Variants in SNTG1 observed in about 807,000 individuals in gnomAD.
SNTG1 encodes the protein syntrophin gamma 1.
A neutral mutation model predicts 74.7 loss-of-function variants in SNTG1; 39 were observed. The observed-to-expected ratio is 0.52, with a 90% CI of 0.40 to 0.68. The LOEUF is 0.68. SNTG1 is among the 30% of genes least tolerant of loss of function. SNTG1 has a pLI of 0.00. For missense variants in SNTG1, 685 were observed against 609.5 expected, an observed-to-expected ratio of 1.12 and a Z score of -1.30; for synonymous variants, 254 against 217.1, an observed-to-expected ratio of 1.17 and a Z score of -1.49.
rs561583006 is a variant in SNTG1 at position 50,142,655 on chromosome 8, A to AT, written c.-102-29902dup. On this transcript the variant is annotated intron_variant, in intron 1 of 18. Coordinates refer to ENST00000642720, the MANE Select transcript of SNTG1 (RefSeq NM_018967.5). Reference sequence around the variant, plus strand: ...AGAAGCTGATGGTAAATGAAGTAAAATTTTCTAATGGCTTGCATTTTTACT... The same window carrying AT: ...AGAAGCTGATGGTAAATGAAGTAAAATTTTTCTAATGGCTTGCATTTTTACT... Among the ~76,000 whole-genome samples, 214 of 152,208 alleles carry AT rather than the reference A, an allele frequency of 1.4e-3. 2 individuals are homozygous for AT. Among genetic ancestry groups the AT allele is most frequent in the African/African-American group, 5.0e-3 (206 of 41,552 alleles).
chr8:50,597,889 G>T (rs1585800731), intron 13 of SNTG1, among the ~76,000 whole-genome samples: 1 of 151,800 alleles, frequency 6.6e-6, no homozygotes, highest in South Asian at 2.1e-4. Flanking sequence ...CAGATCTTTT[G>T]CCCATTTTAA....
rs547074868 is a variant in SNTG1, at chr8:50,290,403, A to G, written c.-27-103809A>G. ...ATTCTTTCTTCTTTTTAATCTCAAG[A>G]ATCGTAGGGTGAATAATGCCATTTT... On this transcript the variant is annotated intron_variant, in intron 2 of 18. Transcript: ENST00000642720. 8.5e-5 allele frequency among the ~76,000 whole-genome samples: 13 copies of G among 152,290 alleles called. No individual in the cohort carries two copies. In the South Asian group the frequency reaches 2.7e-3, roughly 32 times the overall value.
At chr8:50,128,091 C>T (rs950002928) in intron 1 of SNTG1, among the ~76,000 whole-genome samples, 2 of 152,084 alleles carry the variant, frequency 1.3e-5, no homozygotes, top group African/African-American at 2.4e-5. Context: ...TATTAAGTTT[C>T]TAATGTAGCA....
intron 9 of SNTG1, among the ~76,000 whole-genome samples, chr8:50,511,499 C>A (rs1161214603): frequency 6.6e-6 from 1 of 152,036 alleles, no homozygotes; most frequent in Non-Finnish European, 1.5e-5. Context: ...TGACCTGTCT[C>A]ATGTTGACAG....
intron 2 of SNTG1, among the ~76,000 whole-genome samples, chr8:50,330,430 G>T (rs780614575): frequency 6.6e-6 from 1 of 152,018 alleles, no homozygotes; most frequent in African/African-American, 2.4e-5. Flanking sequence ...ATCATCATCC[G>T]CATTTTGGTC....
At chr8:50,649,383 C>T (rs1172772876) in intron 13 of SNTG1, among the ~76,000 whole-genome samples, 1 of 152,108 alleles carries the variant, frequency 6.6e-6, no homozygotes, top group African/African-American at 2.4e-5. Flanking sequence ...CCTGTAATCC[C>T]AGCTACTCGG....
intron 1 of SNTG1, among the ~76,000 whole-genome samples, chr8:50,148,183 A>T (rs2081937652): frequency 6.6e-6 from 1 of 152,102 alleles, no homozygotes; most frequent in Admixed American, 6.6e-5. Flanking sequence ...TAAAATAAAC[A>T]TACATGAATA....
intron 1 of SNTG1, among the ~76,000 whole-genome samples, chr8:50,142,726 T>G (rs896201445): frequency 6.6e-6 from 1 of 152,106 alleles, no homozygotes; most frequent in Non-Finnish European, 1.5e-5. Flanking sequence ...ATGGATGTAT[T>G]TCATCATGTT....
chr8:50,545,207 G>A (rs1313491091), intron 11 of SNTG1, among the ~76,000 whole-genome samples: 1 of 151,550 alleles, frequency 6.6e-6, no homozygotes, highest in Non-Finnish European at 1.5e-5. Flanking sequence ...TTACAGTCAT[G>A]TACTATTGTG....
chr8:50,166,755 A>C (rs1352396831), intron 1 of SNTG1, among the ~76,000 whole-genome samples: 1 of 131,720 alleles, frequency 7.6e-6, no homozygotes, highest in African/African-American at 3.1e-5. Context: ...CATTTGACCC[A>C]GCCATCCCAT....
intron 18 of SNTG1, among the ~76,000 whole-genome samples, chr8:50,779,617 G>T (rs1257490638): frequency 6.6e-6 from 1 of 151,358 alleles, no homozygotes; most frequent in Non-Finnish European, 1.5e-5. Flanking sequence ...AGACAATGGG[G>T]TTTTCTAGAT....
At chr8:50,306,604 G>A (rs1010015900) in intron 2 of SNTG1, among the ~76,000 whole-genome samples, 1 of 151,822 alleles carries the variant, frequency 6.6e-6, no homozygotes, top group African/African-American at 2.4e-5. Flanking sequence ...TACGAGTAAG[G>A]TGGTATCTCA....
chr8:50,484,555 C>T (rs2093773740), intron 8 of SNTG1, among the ~76,000 whole-genome samples: 1 of 151,350 alleles, frequency 6.6e-6, no homozygotes, highest in Admixed American at 6.6e-5. Flanking sequence ...CTTCAGTATC[C>T]TGCCTGTATA....
intron 1 of SNTG1, among the ~76,000 whole-genome samples, chr8:49,998,432 A>T (rs1814439493): frequency 6.6e-6 from 1 of 152,086 alleles, no homozygotes; most frequent in Non-Finnish European, 1.5e-5. Flanking sequence ...TATAAACTTA[A>T]TTTTTTTAAC....
intron 1 of SNTG1, among the ~76,000 whole-genome samples, chr8:49,933,944 TA>T (rs1365293970): frequency 6.6e-6 from 1 of 152,200 alleles, no homozygotes; most frequent in African/African-American, 2.4e-5. Flanking sequence ...GGAAAAGGCA[TA>T]AATGTGAAAA....
chr8:50,693,384 C>T (rs1007869500), intron 15 of SNTG1, among the ~76,000 whole-genome samples: 15 of 152,110 alleles, frequency 9.9e-5, no homozygotes, highest in Non-Finnish European at 1.9e-4. Context: ...TCCTATTCGG[C>T]AATCTTGGCT....
At position 50,512,734 on chromosome 8, in the gene SNTG1, A is replaced by G. The variant is rs548506207; in HGVS notation, c.466+9854A>G. On this transcript the variant is annotated intron_variant, in intron 9 of 18. Transcript: ENST00000642720. ...GGCTACTGAGGCTTGTGCATTCATC[A>G]TGTAGTTCTCGTACCTTGGTTTTCA... 8.5e-5 allele frequency among the ~76,000 whole-genome samples: 13 copies of G among 152,162 alleles called. No individual in the cohort carries two copies. In the East Asian group the frequency reaches 2.5e-3, roughly 29 times the overall value.
intron 2 of SNTG1, among the ~76,000 whole-genome samples, chr8:50,298,038 A>C (rs1304627236): frequency 6.6e-6 from 1 of 151,968 alleles, no homozygotes; most frequent in Non-Finnish European, 1.5e-5. Context: ...AAAGCTAAAA[A>C]AAAAAATCCA....
intron 2 of SNTG1, among the ~76,000 whole-genome samples, chr8:50,204,638 T>C (rs1287289612): frequency 6.6e-6 from 1 of 152,172 alleles, no homozygotes; most frequent in African/African-American, 2.4e-5. Context: ...GTTACATATG[T>C]ATACATGTGC....
Sources: allele counts gnomAD v4.1 joint callset (sites outside exome capture counted in the v4.1 genomes callset), GRCh38; gene constraint gnomAD v4.1.1; transcripts MANE v1.5; gene names NCBI Gene and HGNC (gene_info 2026-07-23, HGNC 2026-07-21).